Variants in COL22A1 observed in about 807,000 individuals in gnomAD.
COL22A1 encodes collagen alpha-1(XXII) chain.
COL22A1 carries 221 observed loss-of-function variants against 248.9 expected under a neutral mutation model. The observed-to-expected ratio is 0.89, with a 90% CI of 0.80 to 0.99. The LOEUF (loss-of-function observed/expected upper bound fraction) is 0.99. Among genes scored for constraint, COL22A1 ranks in the 50% least tolerant of loss-of-function variants. COL22A1 has a pLI of 0.00. For synonymous variants in COL22A1, 891 were observed against 793.4 expected, an observed-to-expected ratio of 1.12 and a Z score of -2.07; for missense variants, 2,240 against 2,179.0, an observed-to-expected ratio of 1.03 and a Z score of -0.56.
In COL22A1 at chr8:138,761,392, T is replaced by C. The variant is rs114724160; in HGVS notation, c.1857+1021A>G. On this transcript the variant is annotated intron_variant, in intron 17 of 64. Coordinates refer to ENST00000303045, the MANE Select transcript of COL22A1 (RefSeq NM_152888.3). ...GGCCTTTGGTGAATATTTTTTTAAA[T>C]GGTTCCACGTTTATGATACAATGTT... is the stretch of plus-strand genomic sequence containing the variant. Among the ~76,000 whole-genome samples, 564 of 152,312 alleles carry C rather than the reference T, an allele frequency of 3.7e-3. 5 individuals are homozygous for C. The highest frequency in any genetic ancestry group is 0.013 in the African/African-American group (534 of 41,560).
intron 12 of COL22A1, among the ~76,000 whole-genome samples, chr8:138,782,425 C>T (rs758680986): frequency 6.6e-6 from 1 of 152,184 alleles, no homozygotes; most frequent in Non-Finnish European, 1.5e-5. Context: ...ACAATGTTGC[C>T]CAGGCAGGCC....
chr8:138,758,061 C>T (rs1346942215), intron 18 of COL22A1, among the ~76,000 whole-genome samples: 2 of 152,214 alleles, frequency 1.3e-5, no homozygotes, highest in Non-Finnish European at 2.9e-5. Flanking sequence ...TTCCCCCAAC[C>T]TTGAACCAGT....
At chr8:138,776,048 A>G in intron 15 of COL22A1, 38 bp from the exon 16 acceptor site, 1 of 1,609,362 alleles carries the variant, frequency 6.2e-7, no homozygotes, top group Non-Finnish European at 8.5e-7. Context: ...CAACATCTTA[A>G]TCTGGCTTCT....
In COL22A1 at chr8:138,796,822, T is replaced by C. The variant is rs1218303100; in HGVS notation, c.1593A>G (p.Glu531=). 6.3e-7 allele frequency: 1 copy of C among 1,598,704 alleles called. No homozygotes were observed. Among genetic ancestry groups the C allele is most frequent in the Admixed American group, 1.7e-5 (1 of 59,998 alleles). Residue 531 remains glutamate (E), a synonymous_variant, in exon 12 of 65, where the codon GAA becomes GAG. Coordinates refer to ENST00000303045, the MANE Select transcript of COL22A1 (RefSeq NM_152888.3). ...IGPFGQGEKG[E]KGSLGLPGPP... Reference sequence around the variant, plus strand: ...GTGATAAAAGGAAGATGCTTACCTTTTCACCCTTTTCCCCTTGGCCAAAAG... The same window carrying C: ...GTGATAAAAGGAAGATGCTTACCTTCTCACCCTTTTCCCCTTGGCCAAAAG...
intron 12 of COL22A1, among the ~76,000 whole-genome samples, chr8:138,788,604 C>G (rs1187624507): frequency 6.6e-6 from 1 of 152,136 alleles, no homozygotes; most frequent in African/African-American, 2.4e-5. Context: ...ATAACACTCT[C>G]TAGGCTTCCT....
In COL22A1 at chr8:138,689,195, G is replaced by A. The variant is rs77567511; in HGVS notation, c.2809-225C>T. 9.2e-3 allele frequency among the ~76,000 whole-genome samples: 1,401 copies of A among 151,888 alleles called. 22 individuals are homozygous for A. The highest frequency in any genetic ancestry group is 0.032 in the African/African-American group (1,344 of 41,400). Reference sequence around the variant, plus strand: ...TGGCCTTGTAACAGTGCACATCAGAGCTCTTAACAGCAGGCATGGTCTGCT... The same window carrying A: ...TGGCCTTGTAACAGTGCACATCAGAACTCTTAACAGCAGGCATGGTCTGCT... On this transcript the variant is annotated intron_variant, in intron 36 of 64. Transcript: ENST00000303045.
At chr8:138,811,210 C>A (rs889772791) in intron 9 of COL22A1, among the ~76,000 whole-genome samples, 1 of 114,146 alleles carries the variant, frequency 8.8e-6, no homozygotes, top group Admixed American at 8.8e-5. Flanking sequence ...TGGTGGTGTT[C>A]ACAGAAATGC....
chr8:138,739,274 C>T (rs1328447987), intron 22 of COL22A1, among the ~76,000 whole-genome samples: 1 of 152,174 alleles, frequency 6.6e-6, no homozygotes, highest in Non-Finnish European at 1.5e-5. Context: ...CAGTGGCCTC[C>T]CACCTCCACC....
chr8:138,601,178 GA>G (rs1817975637), intron 60 of COL22A1, among the ~76,000 whole-genome samples: 1 of 151,994 alleles, frequency 6.6e-6, no homozygotes, highest in African/African-American at 2.4e-5. Context: ...TCTCGGGGGG[GA>G]ACATCAACGC....
intron 1 of COL22A1, among the ~76,000 whole-genome samples, chr8:138,885,262 A>ACC (rs1824565884): frequency 2.0e-5 from 3 of 152,298 alleles, no homozygotes; most frequent in Non-Finnish European, 4.4e-5. Flanking sequence ...CCAGATGGTC[A>ACC]ATCAGTTCTT....
chr8:138,662,083 C>A lies in COL22A1; in HGVS notation c.3187G>T (p.Gly1063Ter). The A allele has an allele frequency of 6.2e-7, 1 of 1,611,254 alleles. No homozygotes were observed. Among genetic ancestry groups the A allele is most frequent in the Non-Finnish European group, 8.5e-7 (1 of 1,178,654 alleles). ...GGGAATCCAGGTAAGCCTCGTGATC[C>A]CTGAAGAAAAAGAAAAGAAGACACT... ...SGPPGDKGSP[G>*]SRGLPGFPGP... Residue 1063 changes from glycine (G) to a stop codon, truncating the protein, a stop_gained and splice_region_variant, in exon 43 of 65, where the codon GGA (glycine) becomes TGA (stop). Transcript: ENST00000303045. LOFTEE classifies it high-confidence loss of function.
Position 138,774,512 on chromosome 8 carries a change from A to G in COL22A1, c.1803+1454T>C, listed in dbSNP as rs905705253. On this transcript the variant is annotated intron_variant, in intron 16 of 64. Transcript: ENST00000303045. ...GGGCTCACTGCAACCTCCGCCTCCC[A>G]GGTTCAAGTGATTCTCCTGCCTCAG... Among the ~76,000 whole-genome samples, 4 of 147,564 alleles carry G rather than the reference A, an allele frequency of 2.7e-5. No homozygotes were observed. In the Admixed American group the frequency reaches 2.8e-4, roughly 10 times the overall value.
At chr8:138,622,987 T>A (rs1398361314) in intron 52 of COL22A1, among the ~76,000 whole-genome samples, 1 of 151,838 alleles carries the variant, frequency 6.6e-6, no homozygotes, top group East Asian at 1.9e-4. Flanking sequence ...CGATGAATCA[T>A]CATGATGAAT....
intron 56 of COL22A1, among the ~76,000 whole-genome samples, chr8:138,609,425 C>A (rs562555852): frequency 6.6e-6 from 1 of 152,168 alleles, no homozygotes; most frequent in African/African-American, 2.4e-5. Flanking sequence ...GTCACTGGAT[C>A]CTGCTGGGAA....
chr8:138,601,296 G>C (rs920197500), intron 60 of COL22A1, among the ~76,000 whole-genome samples: 8 of 152,084 alleles, frequency 5.3e-5, no homozygotes, highest in Non-Finnish European at 8.8e-5. Context: ...GAAGATCCAG[G>C]GGGGAGAATC....
intron 32 of COL22A1, among the ~76,000 whole-genome samples, chr8:138,695,438 C>A (rs1469512640): frequency 1.3e-5 from 2 of 152,120 alleles, no homozygotes; most frequent in Non-Finnish European, 2.9e-5. Context: ...AAGCGATCCT[C>A]CCTGCACAGC....
At chr8:138,768,198 C>A (rs1834060208) in intron 16 of COL22A1, among the ~76,000 whole-genome samples, 1 of 152,320 alleles carries the variant, frequency 6.6e-6, no homozygotes, top group Middle Eastern at 3.4e-3. Flanking sequence ...CTTTCCCAGC[C>A]CCCCATGGTT....
intron 39 of COL22A1, among the ~76,000 whole-genome samples, chr8:138,682,261 CA>C (rs58663380): frequency 0.18 from 28,077 of 152,056 alleles, 2,576 homozygotes; most frequent in South Asian, 0.21. Flanking sequence ...TTAAAGAACT[CA>C]GGTGGAATGC....
intron 7 of COL22A1, among the ~76,000 whole-genome samples, chr8:138,816,399 A>G (rs1818691787): frequency 6.6e-6 from 1 of 152,174 alleles, no homozygotes; most frequent in Non-Finnish European, 1.5e-5. Context: ...TCCTGTCTGG[A>G]AGTCCTGCTC....
Sources: allele counts gnomAD v4.1 joint callset (sites outside exome capture counted in the v4.1 genomes callset), GRCh38; gene constraint gnomAD v4.1.1; transcripts MANE v1.5; gene names NCBI Gene and HGNC (gene_info 2026-07-23, HGNC 2026-07-21).